The following OSBPL9 variants were observed in gnomAD, a reference collection of about 807,000 sequenced individuals.
OSBPL9 encodes the protein oxysterol-binding protein-related protein 9.
A neutral mutation model predicts 106.6 loss-of-function variants in OSBPL9; 40 were observed. That is an observed-to-expected ratio of 0.38 (90% confidence interval 0.29 to 0.49). The LOEUF (loss-of-function observed/expected upper bound fraction) is 0.49. Among genes scored for constraint, OSBPL9 ranks in the 20% least tolerant of loss-of-function variants. OSBPL9 has a pLI of 0.97. For missense variants in OSBPL9, 609 were observed against 887.2 expected (o/e 0.69, Z 3.98); for synonymous variants, 269 against 295.4 (o/e 0.91, Z 0.92).
At chr1:51,557,624 C>T in the OSBPL9 span, among the ~76,000 whole-genome samples, 1 of 152,316 alleles carries the variant, frequency 6.6e-6, no homozygotes. Flanking sequence ...TGAAAGTTAC[C>T]TGTGCTATCC....
chr1:51,566,952 G>T, the OSBPL9 span, among the ~76,000 whole-genome samples: 1 of 152,132 alleles, frequency 6.6e-6, no homozygotes, highest in East Asian at 1.9e-4. Flanking sequence ...GAAGGCCTTG[G>T]GTGTGAAACA....
intron 1 of OSBPL9, among the ~76,000 whole-genome samples, chr1:51,587,087 A>G (rs1271301645): frequency 6.6e-6 from 1 of 151,866 alleles, no homozygotes; most frequent in Non-Finnish European, 1.5e-5. Context: ...GAAATTTCAA[A>G]CTCCAAAGTG....
chr1:51,784,352 C>T, intron 19 of OSBPL9, 25 bp downstream of exon 19: 1 of 1,610,142 alleles, frequency 6.2e-7, no homozygotes, highest in Non-Finnish European at 8.5e-7. Context: ...TTCCTCTGAT[C>T]AGCAGTAGAC....
chr1:51,551,587 T>C, the OSBPL9 span, among the ~76,000 whole-genome samples: 9,171 of 151,922 alleles, frequency 0.06, 868 homozygotes, highest in African/African-American at 0.2. Context: ...TATTTATTTA[T>C]TTACTTATTT....
chr1:51,715,533 C>T (rs999053059), intron 4 of OSBPL9, among the ~76,000 whole-genome samples: 36 of 152,012 alleles, frequency 2.4e-4, no homozygotes, highest in African/African-American at 8.2e-4. Context: ...CAACCTCCAC[C>T]CCGTGCGTTC....
intron 1 of OSBPL9, among the ~76,000 whole-genome samples, chr1:51,596,278 AAG>A (rs1459570498): frequency 7.4e-5 from 11 of 148,716 alleles, no homozygotes; most frequent in African/African-American, 2.7e-4. Flanking sequence ...AAAAAAAAAA[AAG>A]GCCAGGCACA....
At chr1:51,599,880 C>A (rs1419189522) in intron 2 of OSBPL9, among the ~76,000 whole-genome samples, 1 of 152,220 alleles carries the variant, frequency 6.6e-6, no homozygotes, top group African/African-American at 2.4e-5. Flanking sequence ...AAGGTGTCAA[C>A]TCCTCTCTGA....
upstream of OSBPL9, among the ~76,000 whole-genome samples, chr1:51,576,476 T>C (rs1645184551): frequency 1.3e-5 from 2 of 152,186 alleles, no homozygotes; most frequent in South Asian, 2.1e-4. Context: ...TGCTGTGAGA[T>C]AGGTTTTTTG....
Position 51,649,918 on chromosome 1 carries a change from A to G in OSBPL9, c.112-2073A>G, listed in dbSNP as rs181077036. Among the ~76,000 whole-genome samples the G allele has an allele frequency of 2.6e-4, 39 of 152,092 alleles. 2 individuals carry two copies. Among genetic ancestry groups the G allele is most frequent in the Non-Finnish European group, 2.9e-5 (2 of 67,988 alleles). ...AAAAAAGGGTTTTGCTCTGTCACCC[A>G]GGCTAGAGTGCAGGGGTGTGGTCAT... On this transcript the variant is annotated intron_variant, in intron 1 of 23. Coordinates refer to ENST00000428468, the MANE Select transcript of OSBPL9 (RefSeq NM_024586.6).
rs772364126 is a variant in OSBPL9 at position 51,784,322 on chromosome 1, T to C, written c.1683T>C (p.Tyr561=). 2.5e-6 allele frequency: 4 copies of C among 1,613,792 alleles called. No individual in the cohort carries two copies. Among genetic ancestry groups the C allele is most frequent in the Non-Finnish European group, 3.4e-6 (4 of 1,179,662 alleles). ...EHYILTFPNG[Y]GRSILTVPWV... ...ACATTCTCACATTCCCCAATGGCTA[T>C]GGAAGGCAAGTGTGTCCATTTCCTC... The change falls in exon 19 of 24, where the codon TAT becomes TAC. Residue 561 remains tyrosine, a synonymous_variant. Coordinates refer to ENST00000428468, the MANE Select transcript of OSBPL9 (RefSeq NM_024586.6).
At chr1:51,735,248 G>T (rs907112702) in intron 4 of OSBPL9, among the ~76,000 whole-genome samples, 5 of 152,186 alleles carry the variant, frequency 3.3e-5, no homozygotes, top group African/African-American at 1.2e-4. Context: ...TCCACTGGCC[G>T]GTGGGAACCT....
chr1:51,656,421 T>G (rs1353625572), intron 2 of OSBPL9, among the ~76,000 whole-genome samples: 1 of 152,158 alleles, frequency 6.6e-6, no homozygotes, highest in Non-Finnish European at 1.5e-5. Context: ...AATCACACTA[T>G]GTTTCTTCCT....
At chr1:51,724,346 C>T (rs953317081) in intron 4 of OSBPL9, among the ~76,000 whole-genome samples, 11 of 152,058 alleles carry the variant, frequency 7.2e-5, no homozygotes, top group Admixed American at 2.6e-4. Context: ...TGCAGTGGCG[C>T]GATCTCAGCT....
chr1:51,763,972 C>G (rs1054522795), intron 11 of OSBPL9, among the ~76,000 whole-genome samples: 6 of 152,032 alleles, frequency 3.9e-5, no homozygotes, highest in Non-Finnish European at 7.4e-5. Flanking sequence ...AAATTACTTC[C>G]AGAAGATAAT....
intron 2 of OSBPL9, among the ~76,000 whole-genome samples, chr1:51,611,507 CCAA>C (rs1319597627): frequency 6.6e-6 from 1 of 152,082 alleles, no homozygotes; most frequent in East Asian, 1.9e-4. Flanking sequence ...AGACAGCAAA[CCAA>C]CAACAACAGA....
chr1:51,776,459 T>C (rs1192290563), intron 14 of OSBPL9, among the ~76,000 whole-genome samples: 1 of 152,232 alleles, frequency 6.6e-6, no homozygotes, highest in African/African-American at 2.4e-5. Flanking sequence ...AATATGTATG[T>C]AATATACAAA....
At chr1:51,554,167 T>A in the OSBPL9 span, among the ~76,000 whole-genome samples, 2 of 152,110 alleles carry the variant, frequency 1.3e-5, no homozygotes, top group Non-Finnish European at 2.9e-5. Flanking sequence ...GATACAGGTA[T>A]AAATATAAAT....
At chr1:51,588,079 T>C (rs1645254768) in intron 1 of OSBPL9, among the ~76,000 whole-genome samples, 1 of 152,134 alleles carries the variant, frequency 6.6e-6, no homozygotes, top group South Asian at 2.1e-4. Flanking sequence ...TTCAGTAAAA[T>C]TATGTATACA....
At chr1:51,635,114 T>C (rs752499435) in intron 1 of OSBPL9, among the ~76,000 whole-genome samples, 4 of 152,162 alleles carry the variant, frequency 2.6e-5, no homozygotes, top group Non-Finnish European at 5.9e-5. Flanking sequence ...GAGAAATCTC[T>C]CAGTAGATCA....
Sources: gnomAD v4.1 joint callset for allele counts (sites outside exome capture counted in the v4.1 genomes callset) on GRCh38, gnomAD v4.1.1 for gene constraint, MANE v1.5 for transcripts, NCBI Gene and HGNC (gene_info 2026-07-23, HGNC 2026-07-21) for gene names.